Variants in TTN observed in about 807,000 individuals in gnomAD.
The protein encoded by TTN is titin, also known as connectin.
A neutral mutation model predicts 3,223.0 loss-of-function variants in TTN; 1,525 were observed. The ratio of observed to expected loss-of-function variants is 0.47; its 90% CI spans 0.45 to 0.49. TTN has a LOEUF of 0.49. Among genes scored for constraint, TTN ranks in the 20% least tolerant of loss-of-function variants. TTN has a pLI of 0.00. For missense variants in TTN, 40,786 were observed against 43,424.0 expected (o/e 0.94, Z 5.40); for synonymous variants, 14,094 against 15,161.0 (o/e 0.93, Z 5.17).
rs745716789 is a variant in TTN at position 178,553,577 on chromosome 2, C to T, written c.89428G>A (p.Val29810Ile). 6.2e-7 allele frequency: 1 copy of T among 1,613,892 alleles called. No individual in the cohort carries two copies. Among genetic ancestry groups the T allele is most frequent in the South Asian group, 1.1e-5 (1 of 91,080 alleles). Residue 29810 changes from valine to isoleucine, a missense_variant, in exon 334 of 363, where the codon GTA becomes ATA. Val to Ile is a conservative substitution (Grantham distance 29). Transcript: ENST00000589042. ...TGTCCAGCACAGTTTACAGCAGATA[C>T]CCGGAAGTAGTAATTGACTCCAGGT... is the stretch of plus-strand genomic sequence containing the variant. ...LKPGVNYYFRVSAVNCAGQGE... is the reference protein window; with the variant it reads ...LKPGVNYYFRISAVNCAGQGE...
chr2:178,717,935 A>ACCATCAC lies in TTN; in HGVS notation c.25063+1_25063+7dup. 1 of 1,609,074 alleles carries ACCATCAC rather than the reference A, an allele frequency of 6.2e-7. No homozygotes were observed. The highest frequency in any genetic ancestry group is 8.5e-7 in the Non-Finnish European group (1 of 1,176,334). On this transcript the variant is annotated splice_region_variant and intron_variant, in intron 86 of 362. Coordinates refer to ENST00000589042, the MANE Select transcript of TTN (RefSeq NM_001267550.2). ...GTTCACACACACTAGGTTAAACAAC[A>ACCATCAC]CCATCACCTTTGATAACAAGCACAG... is the stretch of plus-strand genomic sequence containing the variant.
Position 178,723,350 on chromosome 2 carries a change from TAAACACAAGAA to T in TTN, c.21683-37_21683-27del, listed in dbSNP as rs1163696963. On this transcript the variant is annotated intron_variant, in intron 74 of 362. Coordinates refer to ENST00000589042, the MANE Select transcript of TTN (RefSeq NM_001267550.2). ...CTAGTAAGTGACAAAGCACAGCAGT[TAAACACAAGAA>T]AAACACAAGGATGTCGGTATACAGA... 4.4e-6 allele frequency: 7 copies of T among 1,605,200 alleles called. No individual in the cohort carries two copies. In the African/African-American group the frequency reaches 9.4e-5, roughly 22 times the overall value.
rs781080078 is a variant in TTN at position 178,614,934 on chromosome 2, A to G, written c.48673T>C (p.Tyr16225His). 3 of 1,595,532 alleles carry G rather than the reference A, an allele frequency of 1.9e-6. No individual in the cohort carries two copies. Among genetic ancestry groups the G allele is most frequent in the Non-Finnish European group, 2.6e-6 (3 of 1,170,172 alleles). ...TTTAAGGCCTTCACGCGGTAGGCAT[A>G]CCATTTGCCTTCCTCAAGACCTGTC... ...EVTGLEEGKWYAYRVKALNRQ... is the reference protein window; with the variant it reads ...EVTGLEEGKWHAYRVKALNRQ... The change falls in exon 260 of 363, where the codon TAT (tyrosine) becomes CAT (histidine). Residue 16225 changes from tyrosine to histidine, a missense_variant. By Grantham distance (83) the Tyr-to-His change is moderately conservative. Coordinates refer to ENST00000589042, the MANE Select transcript of TTN (RefSeq NM_001267550.2).
chr2:178,794,539 C>T lies in TTN; in HGVS notation c.1258G>A (p.Ala420Thr), dbSNP rs760523914. 1.2e-6 allele frequency: 2 copies of T among 1,614,076 alleles called. No individual in the cohort carries two copies. The highest frequency in any genetic ancestry group is 1.7e-5 in the Admixed American group (1 of 60,014). ...GTCGCAACAGCTGCACTTTTGTCAGCATCTTGTTTCACCTAGATTAGAAAT... is the reference window on the plus strand; with the variant it reads ...GTCGCAACAGCTGCACTTTTGTCAGTATCTTGTTTCACCTAGATTAGAAAT... ...ATGAKEVKQD[A>T]DKSAAVATVV... The change falls in exon 8 of 363, where the codon GCT becomes ACT. Residue 420 changes from alanine to threonine, a missense_variant. Transcript: ENST00000589042.
chr2:178,729,301 T>A lies in TTN; in HGVS notation c.18855A>T (p.Arg6285Ser). Residue 6285 changes from arginine (R) to serine (S), a missense_variant, in exon 64 of 363, where the codon AGA (arginine) becomes AGT (serine). By Grantham distance (110) the Arg-to-Ser change is moderately radical. Transcript: ENST00000589042. ...TGTATAACTGACCTTTCAGGGCAAC[T>A]CTAGTACTGCATGAGCAGCTGCCGC... ...NEGGSCSCSTRVALKEPPSFI... is the reference protein window; with the variant it reads ...NEGGSCSCSTSVALKEPPSFI... 6.2e-7 allele frequency: 1 copy of A among 1,610,538 alleles called. No homozygotes were observed. Among genetic ancestry groups the A allele is most frequent in the South Asian group, 1.1e-5 (1 of 90,652 alleles).
rs2046759146 is a variant in TTN at position 178,577,745 on chromosome 2, A to T, written c.68681T>A (p.Val22894Asp). The change falls in exon 323 of 363, where the codon GTT becomes GAT. Residue 22894 changes from valine (V) to aspartate (D), a missense_variant. Transcript: ENST00000589042. Reference sequence around the variant, plus strand: ...AGTAAAGGCACATTCTGGGACATTAACATGGTTGGCTTTCATCCAAGACTT... The same window carrying T: ...AGTAAAGGCACATTCTGGGACATTATCATGGTTGGCTTTCATCCAAGACTT... ...PSKSWMKANHVNVPECAFTVT... is the reference protein window; with the variant it reads ...PSKSWMKANHDNVPECAFTVT... The T allele has an allele frequency of 6.2e-7, 1 of 1,613,290 alleles. No individual in the cohort carries two copies. Among genetic ancestry groups the T allele is most frequent in the African/African-American group, 1.3e-5 (1 of 74,890 alleles).
chr2:178,781,258 T>C lies in TTN; in HGVS notation c.3386A>G (p.Lys1129Arg), dbSNP rs181375012. 88 of 1,613,982 alleles carry C rather than the reference T, an allele frequency of 5.5e-5. No individual in the cohort carries two copies. The East Asian group carries it at 1.9e-3, about 36-fold the overall frequency. ...ACCGGTTTGTTTGTTGTAACTCACT[T>C]TGTATCTTTATGTAAATGTACAAAA... ...GVPLTTGYRY[K>R]VSYNKQTGEC... Residue 1129 changes from lysine (K) to arginine (R), a missense_variant, in exon 21 of 363, where the codon AAA (lysine) becomes AGA (arginine). By Grantham distance (26) the Lys-to-Arg change is conservative. Transcript: ENST00000589042.
rs1306149709 is a variant in TTN at position 178,562,413 on chromosome 2, T to G, written c.83719A>C (p.Ser27907Arg). 11 of 1,612,098 alleles carry G rather than the reference T, an allele frequency of 6.8e-6. No homozygotes were observed. The highest frequency in any genetic ancestry group is 9.3e-6 in the Non-Finnish European group (11 of 1,179,352). The change falls in exon 326 of 363, where the codon AGT (serine) becomes CGT (arginine). Residue 27907 changes from serine (S) to arginine (R), a missense_variant. Transcript: ENST00000589042. The stretch of plus-strand genomic sequence containing the variant: ...TGTGTGCAGGTGCTCCACTTTTCAC[T>G]CCCTTTAGTCTGCATTTCAACCACA... The part of the protein sequence containing the change: ...GYVVEMQTKG[S>R]EKWSTCTQVK...
rs985554224 is a variant in TTN, at chr2:178,679,992, T to A, written c.33482A>T (p.His11161Leu). The change falls in exon 140 of 363, where the codon CAT (histidine) becomes CTT (leucine). Residue 11161 changes from histidine (H) to leucine (L), a missense_variant. Transcript: ENST00000589042. ...EVAFEEEVVT[H>L]VEEYLVEEEE... Reference sequence around the variant, plus strand: ...TTCTTCTACAAGATATTCTTCTACATGGGTTACAACTTCCTCTTCAAAGGC... The same window carrying A: ...TTCTTCTACAAGATATTCTTCTACAAGGGTTACAACTTCCTCTTCAAAGGC... 1 of 1,613,258 alleles carries A rather than the reference T, an allele frequency of 6.2e-7. No homozygotes were observed. The highest frequency in any genetic ancestry group is 8.5e-7 in the Non-Finnish European group (1 of 1,179,466).
In TTN at chr2:178,540,053, G is replaced by A. The variant is rs1559093759; in HGVS notation, c.98098+15C>T. ...ATGGCAATTATTGCAGAAAGCAAAT[G>A]ATCATATGTCTCACCAAGCATTTCA... On this transcript the variant is annotated intron_variant, in intron 351 of 362. Transcript: ENST00000589042. The A allele has an allele frequency of 1.3e-6, 2 of 1,595,324 alleles. No homozygotes were observed. The highest frequency in any genetic ancestry group is 1.7e-5 in the Admixed American group (1 of 58,894).
rs535943753 is a variant in TTN at position 178,544,344 on chromosome 2, T to A, written c.95885A>T (p.Asn31962Ile). 1.7e-5 allele frequency: 27 copies of A among 1,613,804 alleles called. No homozygotes were observed. In the African/African-American group the frequency reaches 3.5e-4, roughly 21 times the overall value. ...DTDQWYRVHT[N>I]ATIRNTEFTV... ...GAATTCAGTATTTCTTATTGTGGCA[T>A]TGGTATGCACTCGGTACCACTGATC... The change falls in exon 345 of 363, where the codon AAT (asparagine) becomes ATT (isoleucine). Residue 31962 changes from asparagine to isoleucine, a missense_variant. Transcript: ENST00000589042.
intron 40 of TTN, 89 bp from the exon 41 acceptor site, chr2:178,766,701 T>G (rs1450512585): frequency 2.0e-6 from 2 of 981,060 alleles, no homozygotes; most frequent in Non-Finnish European, 3.2e-6. Flanking sequence ...CTAAAACTGG[T>G]CAATGAATGG....
intron 112 of TTN, among the ~76,000 whole-genome samples, chr2:178,697,995 G>A (rs1396247384): frequency 1.3e-5 from 2 of 152,116 alleles, no homozygotes; most frequent in Admixed American, 6.5e-5. Context: ...CACCCTAAGT[G>A]TCCATCAATG....
At chr2:178,701,683 C>T in intron 109 of TTN, 96 bp from the exon 110 acceptor site, 11 of 1,221,130 alleles carry the variant, frequency 9.0e-6, no homozygotes, top group Non-Finnish European at 1.3e-5. Flanking sequence ...TGAGATATGT[C>T]AGGCATATCT....
Position 178,574,488 on chromosome 2 carries a change from G to C in TTN, c.71644C>G (p.Pro23882Ala). The C allele has an allele frequency of 1.2e-6, 2 of 1,613,578 alleles. No individual in the cohort carries two copies. Among genetic ancestry groups the C allele is most frequent in the Non-Finnish European group, 1.7e-6 (2 of 1,179,630 alleles). Residue 23882 changes from proline (P) to alanine (A), a missense_variant, in exon 326 of 363, where the codon CCA (proline) becomes GCA (alanine). By Grantham distance (27) the Pro-to-Ala change is conservative. Transcript: ENST00000589042. ...CCACTTGATTTGAAAATGTTGCCTG[G>C]TACTAAAGCTTTGCTCACAGTCTGC... Reference protein sequence around the residue: ...LWQTVSKALVPGNIFKSSGLT... With the variant: ...LWQTVSKALVAGNIFKSSGLT...
In TTN at chr2:178,746,908, G is replaced by A. The variant is rs766013350; in HGVS notation, c.11312-4987C>T. On this transcript the variant is annotated intron_variant, in intron 47 of 362. Coordinates refer to ENST00000589042, the MANE Select transcript of TTN (RefSeq NM_001267550.2). ...CTTCATTGGGTGTACCAAATGAATC[G>A]GAACGCCATATTTCATAAGCTGAAC... 118 of 1,613,294 alleles carry A rather than the reference G, an allele frequency of 7.3e-5. No homozygotes were observed. The highest frequency in any genetic ancestry group is 8.6e-5 in the Non-Finnish European group (101 of 1,179,630).
chr2:178,571,946 G>A lies in TTN; in HGVS notation c.74186C>T (p.Ala24729Val), dbSNP rs1162562703. 2 of 1,613,326 alleles carry A rather than the reference G, an allele frequency of 1.2e-6. No homozygotes were observed. The highest frequency in any genetic ancestry group is 1.1e-5 in the South Asian group (1 of 91,058). ...AACATCAACTTTTAGGTCTTCACCT[G>A]CCAGTACAGTGAAAGTATTGAACAG... The part of the protein sequence containing the change: ...KLLFNTFTVL[A>V]GEDLKVDVPF... Residue 24729 changes from alanine to valine, a missense_variant, in exon 326 of 363, where the codon GCA becomes GTA. Physicochemically the swap from Ala to Val is moderately conservative, Grantham distance 64. Transcript: ENST00000589042.
In TTN at chr2:178,611,532, C is replaced by T. The variant is rs1291804506; in HGVS notation, c.50697G>A (p.Trp16899Ter). The T allele has an allele frequency of 6.2e-7, 1 of 1,613,032 alleles. No individual in the cohort carries two copies. The highest frequency in any genetic ancestry group is 8.5e-7 in the Non-Finnish European group (1 of 1,179,300). Reference sequence around the variant, plus strand: ...TTATTGGGCGAGAATTAACTCTCATCCATTTCTCAGTGCCTACTGGACACA... The same window carrying T: ...TTATTGGGCGAGAATTAACTCTCATTCATTTCTCAGTGCCTACTGGACACA... ...VEMCPVGTEK[W>*]MRVNSRPIKD... Residue 16899 changes from tryptophan to a stop codon, truncating the protein, a stop_gained, in exon 269 of 363, where the codon TGG becomes TGA. Transcript: ENST00000589042. LOFTEE classifies it high-confidence loss of function.
At chr2:178,757,231 T>TACTGTACTTC (rs1252574568) in intron 45 of TTN, among the ~76,000 whole-genome samples, 1 of 148,874 alleles carries the variant, frequency 6.7e-6, no homozygotes, top group African/African-American at 2.5e-5. Context: ...TAAGTAATAA[T>TACTGTACTTC]CAGCAAATAG....
Sources: allele counts gnomAD v4.1 joint callset (sites outside exome capture counted in the v4.1 genomes callset), GRCh38; gene constraint gnomAD v4.1.1; transcripts MANE v1.5; gene names NCBI Gene and HGNC (gene_info 2026-07-23, HGNC 2026-07-21).